Variants in GRM8 observed in about 807,000 individuals in gnomAD.
GRM8 encodes the protein glutamate metabotropic receptor 8, also known as metabotropic glutamate receptor 8.
In GRM8, 47 loss-of-function variants were observed where a neutral mutation model predicts 87.2. That is an observed-to-expected ratio of 0.54 (90% CI 0.43 to 0.69). GRM8 has a LOEUF of 0.69. GRM8 is among the 30% of genes least tolerant of loss of function. The probability of loss-of-function intolerance (pLI) is 0.00; values close to 1 mark genes in which losing one functional copy is unlikely to be tolerated. For missense variants in GRM8, 1,019 were observed against 1,139.2 expected (o/e 0.89, Z 1.52); for synonymous variants, 396 against 404.5 (o/e 0.98, Z 0.25).
rs17685651 is a variant in GRM8, at chr7:126,935,872, G to T, written c.728-31189C>A. 5.8e-3 allele frequency among the ~76,000 whole-genome samples: 888 copies of T among 152,228 alleles called. 4 individuals carry two copies. The highest frequency in any genetic ancestry group is 9.3e-3 in the Non-Finnish European group (633 of 68,000). On this transcript the variant is annotated intron_variant, in intron 3 of 10. Transcript: ENST00000339582. ...CCTCCTCTCATCCTAAATAAACCTT[G>T]TTCCTCAATATAAACTCAGAAAGCA...
chr7:126,656,475 G>A (rs973157406), intron 7 of GRM8, among the ~76,000 whole-genome samples: 1 of 152,132 alleles, frequency 6.6e-6, no homozygotes, highest in Non-Finnish European at 1.5e-5. Flanking sequence ...TCAGGAGATC[G>A]AGACCAACCT....
chr7:126,867,824 G>A (rs1378978743), intron 6 of GRM8, among the ~76,000 whole-genome samples: 1 of 152,114 alleles, frequency 6.6e-6, no homozygotes, highest in Non-Finnish European at 1.5e-5. Context: ...TTGAACCAGG[G>A]CCAAGGTCTT....
chr7:126,979,140 C>T (rs567172919), intron 3 of GRM8, among the ~76,000 whole-genome samples: 13 of 152,292 alleles, frequency 8.5e-5, no homozygotes, highest in African/African-American at 2.4e-4. Context: ...CTCCCACATG[C>T]AGCTCAATAC....
chr7:127,194,088 T>C lies in GRM8; in HGVS notation c.510+48607A>G, dbSNP rs941327118. Among the ~76,000 whole-genome samples the C allele has an allele frequency of 9.9e-5, 15 of 152,228 alleles. 1 individual carries two copies. Among genetic ancestry groups the C allele is most frequent in the Admixed American group, 9.2e-4 (14 of 15,288 alleles). On this transcript the variant is annotated intron_variant, in intron 2 of 10. Coordinates refer to ENST00000339582, the MANE Select transcript of GRM8 (RefSeq NM_000845.3). The stretch of plus-strand genomic sequence containing the variant: ...GCTCTGAGCTCCTCCAATGACTGAG[T>C]CCAAAGATGTAGCTTCCCCTCACTC...
intron 6 of GRM8, among the ~76,000 whole-genome samples, chr7:126,884,946 C>G (rs1800350618): frequency 6.6e-6 from 1 of 152,128 alleles, no homozygotes; most frequent in African/African-American, 2.4e-5. Flanking sequence ...TATCCTATTC[C>G]TGGAATCTTG....
At chr7:126,784,506 A>G (rs1401622838) in intron 6 of GRM8, among the ~76,000 whole-genome samples, 1 of 152,138 alleles carries the variant, frequency 6.6e-6, no homozygotes, top group African/African-American at 2.4e-5. Flanking sequence ...TTGCTCCCCA[A>G]ATTATGGTAC....
intron 6 of GRM8, among the ~76,000 whole-genome samples, chr7:126,879,031 C>G (rs1161190863): frequency 6.6e-6 from 1 of 151,704 alleles, no homozygotes; most frequent in Non-Finnish European, 1.5e-5. Flanking sequence ...GGCACAGTGG[C>G]GGGCCCCTGT....
At chr7:127,228,629 C>T (rs754248148) in intron 2 of GRM8, 2 of 152,042 alleles carry the variant, frequency 1.3e-5, no homozygotes, top group African/African-American at 2.4e-5. Flanking sequence ...TTTCATGATT[C>T]CAGGCATTTG....
At position 127,160,530 on chromosome 7, in the gene GRM8, C is replaced by CGA. The variant is rs1005592070; in HGVS notation, c.511-53819_511-53818insTC. Among the ~76,000 whole-genome samples the CGA allele has an allele frequency of 8.0e-5, 12 of 149,548 alleles. 1 individual carries two copies. In the Middle Eastern group the frequency reaches 0.01, roughly 127 times the overall value. ...AAGGGTGTAAGGAGGCTCCATCACG[C>CGA]GCGCGCACACACACACACACACACC... On this transcript the variant is annotated intron_variant, in intron 2 of 10. Transcript: ENST00000339582.
At chr7:126,952,994 A>C (rs1010517) in intron 3 of GRM8, among the ~76,000 whole-genome samples, 50,612 of 151,816 alleles carry the variant, frequency 0.33, 8,424 homozygotes, top group Non-Finnish European at 0.35. Flanking sequence ...GGGTTCTGAT[A>C]ATTGCACTCC....
At chr7:126,879,198 G>T (rs1419018915) in intron 6 of GRM8, among the ~76,000 whole-genome samples, 2 of 133,408 alleles carry the variant, frequency 1.5e-5, no homozygotes, top group Admixed American at 1.5e-4. Flanking sequence ...CAGGGAGGAA[G>T]AAAAAAAAAA....
At chr7:126,763,299 C>T (rs1817791427) in intron 7 of GRM8, among the ~76,000 whole-genome samples, 1 of 151,072 alleles carries the variant, frequency 6.6e-6, no homozygotes, top group Non-Finnish European at 1.5e-5. Context: ...GCTTCTTTTT[C>T]ACATAATTCT....
At chr7:127,189,786 T>G (rs1014216914) in intron 2 of GRM8, among the ~76,000 whole-genome samples, 3 of 152,110 alleles carry the variant, frequency 2.0e-5, no homozygotes, top group Non-Finnish European at 4.4e-5. Flanking sequence ...ATCAGTCCCC[T>G]CAAATTTATA....
At chr7:126,574,010 GGA>G (rs1176980382) in intron 8 of GRM8, among the ~76,000 whole-genome samples, 3 of 152,164 alleles carry the variant, frequency 2.0e-5, no homozygotes, top group Admixed American at 6.6e-5. Context: ...GCCTCTCTAA[GGA>G]GGTCCAAAGG....
At chr7:127,193,021 A>C (rs879327529) in intron 2 of GRM8, among the ~76,000 whole-genome samples, 3 of 152,206 alleles carry the variant, frequency 2.0e-5, no homozygotes, top group Admixed American at 2.0e-4. Flanking sequence ...GAGAAACAAT[A>C]CTTTTAATTT....
chr7:126,535,173 T>C (rs1815495760), intron 8 of GRM8, among the ~76,000 whole-genome samples: 1 of 152,242 alleles, frequency 6.6e-6, no homozygotes, highest in African/African-American at 2.4e-5. Flanking sequence ...ACCTCACTTC[T>C]GAAAATTGAT....
At chr7:127,224,368 A>G (rs1490589388) in intron 2 of GRM8, among the ~76,000 whole-genome samples, 1 of 152,242 alleles carries the variant, frequency 6.6e-6, no homozygotes, top group African/African-American at 2.4e-5. Flanking sequence ...TCGCAAAATA[A>G]ACCAAGGAGG....
intron 2 of GRM8, among the ~76,000 whole-genome samples, chr7:127,124,743 C>T (rs1299555445): frequency 1.3e-5 from 2 of 152,102 alleles, no homozygotes; most frequent in African/African-American, 4.8e-5. Context: ...CAGACTTGCG[C>T]TTCTGGCCAA....
At chr7:126,516,270 T>C (rs765866197) in intron 9 of GRM8, among the ~76,000 whole-genome samples, 4 of 151,800 alleles carry the variant, frequency 2.6e-5, no homozygotes. Context: ...ATCCATTGTT[T>C]ATCTGAAATT....
Sources: gnomAD v4.1 joint callset for allele counts (sites outside exome capture counted in the v4.1 genomes callset) on GRCh38, gnomAD v4.1.1 for gene constraint, MANE v1.5 for transcripts, NCBI Gene and HGNC (gene_info 2026-07-23, HGNC 2026-07-21) for gene names.